MGST2: variants seen among roughly 807,000 people sequenced by gnomAD.
The protein encoded by MGST2 is microsomal glutathione S-transferase 2.
In MGST2, 9 loss-of-function variants were observed where a neutral mutation model predicts 16.6. The ratio of observed to expected loss-of-function variants is 0.54; its 90% confidence interval spans 0.33 to 0.95. MGST2 has a LOEUF of 0.95. MGST2 is among the 40% of genes least tolerant of loss of function. The pLI, the probability that MGST2 is intolerant of heterozygous loss-of-function variation, is 0.03. For missense variants in MGST2, 159 were observed against 175.1 expected, an observed-to-expected ratio of 0.91 and a Z score of 0.52; for synonymous variants, 79 against 68.0, an observed-to-expected ratio of 1.16 and a Z score of -0.79.
rs774576242 is a variant in MGST2 at position 139,666,018 on chromosome 4, A to G, written c.-2A>G. On this transcript the variant is annotated 5_prime_UTR_variant, in exon 1 of 5. Transcript: ENST00000265498. ...CGCTCTACAAATAGTTCCGTGAGAAAGATGGCCGGGAACTCGATCCTGCTG... is the reference window on the plus strand; with the variant it reads ...CGCTCTACAAATAGTTCCGTGAGAAGGATGGCCGGGAACTCGATCCTGCTG... 1 of 1,614,122 alleles carries G rather than the reference A, an allele frequency of 6.2e-7. No homozygotes were observed. The highest frequency in any genetic ancestry group is 1.1e-5 in the South Asian group (1 of 91,084).
intron 2 of MGST2, among the ~76,000 whole-genome samples, chr4:139,691,604 C>T (rs1476718940): frequency 6.6e-6 from 1 of 152,070 alleles, no homozygotes; most frequent in Non-Finnish European, 1.5e-5. Flanking sequence ...ATACTTGGTG[C>T]TTTCACCAGG....
Position 139,666,023 on chromosome 4 carries a change from G to T in MGST2, c.4G>T (p.Ala2Ser). The change falls in exon 1 of 5, where the codon GCC (alanine) becomes TCC (serine). Residue 2 changes from alanine to serine, a missense_variant. By Grantham distance (99) the Ala-to-Ser change is moderately conservative. Transcript: ENST00000265498. ...TACAAATAGTTCCGTGAGAAAGATG[G>T]CCGGGAACTCGATCCTGCTGGCTGC... is the stretch of plus-strand genomic sequence containing the variant. M[A>S]GNSILLAAVS... 1 of 1,614,078 alleles carries T rather than the reference G, an allele frequency of 6.2e-7. No individual in the cohort carries two copies. The highest frequency in any genetic ancestry group is 1.1e-5 in the South Asian group (1 of 91,082).
chr4:139,709,071 A>AATTTTTTTTTTTTTTTTT (rs755140695), downstream of MGST2, among the ~76,000 whole-genome samples: 1 of 81,968 alleles, frequency 1.2e-5, no homozygotes, highest in African/African-American at 4.7e-5. Context: ...AATGGAAAAA[A>AATTTTTTTTTTTTTTTTT]TTTTTTTTTT....
intron 2 of MGST2, among the ~76,000 whole-genome samples, chr4:139,682,110 T>C (rs1731273363): frequency 6.6e-6 from 1 of 151,982 alleles, no homozygotes; most frequent in African/African-American, 2.4e-5. Flanking sequence ...GTTGGAGGAT[T>C]GGTTGAGCCC....
downstream of MGST2, among the ~76,000 whole-genome samples, chr4:139,706,505 T>C (rs1227987359): frequency 6.6e-6 from 1 of 152,244 alleles, no homozygotes; most frequent in Non-Finnish European, 1.5e-5. Flanking sequence ...TTTTAATTGT[T>C]TTATACACTG....
chr4:139,753,341 A>AATCC, the MGST2 span, among the ~76,000 whole-genome samples: 2 of 146,690 alleles, frequency 1.4e-5, no homozygotes, highest in Non-Finnish European at 3.0e-5. Flanking sequence ...TTTTCTTTTT[A>AATCC]ATCTATCTAT....
rs181914346 is a variant in MGST2 at position 139,690,303 on chromosome 4, T to A, written c.159-4894T>A. Among the ~76,000 whole-genome samples, 760 of 152,098 alleles carry A rather than the reference T, an allele frequency of 5.0e-3. 5 individuals carry two copies. The highest frequency in any genetic ancestry group is 0.016 in the African/African-American group (649 of 41,490). ...CACCGCTCCTGGCCTTAAATTTTTT[T>A]AAAAAAATTTTATTTTTTTATAGAG... is the stretch of plus-strand genomic sequence containing the variant. On this transcript the variant is annotated intron_variant, in intron 2 of 4. Coordinates refer to ENST00000265498, the MANE Select transcript of MGST2 (RefSeq NM_002413.5).
the MGST2 span, among the ~76,000 whole-genome samples, chr4:139,750,990 C>T: frequency 6.6e-6 from 1 of 152,166 alleles, no homozygotes; most frequent in Non-Finnish European, 1.5e-5. Context: ...CAAGCTGCCT[C>T]CTGTGATTCA....
intron 2 of MGST2, among the ~76,000 whole-genome samples, chr4:139,681,374 G>A (rs1731232921): frequency 6.6e-6 from 1 of 151,900 alleles, no homozygotes; most frequent in African/African-American, 2.4e-5. Context: ...CATTTTCTCT[G>A]TTCTTTCATT....
chr4:139,729,764 T>C (rs973206113), intron 5 of MGST2, among the ~76,000 whole-genome samples: 5 of 152,220 alleles, frequency 3.3e-5, no homozygotes, highest in East Asian at 1.9e-4. Context: ...TGAGGAATTA[T>C]AGGGCGAGGG....
intron 5 of MGST2, among the ~76,000 whole-genome samples, chr4:139,732,068 C>T (rs988011639): frequency 3.3e-5 from 5 of 152,206 alleles, no homozygotes. Flanking sequence ...AGGACATTCA[C>T]AGTCATTTTG....
chr4:139,678,580 A>G lies in MGST2; in HGVS notation c.96A>G (p.Lys32=). The part of the protein sequence containing the change: ...FALQVGKARL[K]YKVTPPAVTG... ...TGCAAGTTGGAAAGGCAAGATTAAAATACAAAGTTACGCCCCCAGCAGTCA... is the reference window on the plus strand; with the variant it reads ...TGCAAGTTGGAAAGGCAAGATTAAAGTACAAAGTTACGCCCCCAGCAGTCA... Residue 32 remains lysine, a synonymous_variant, in exon 2 of 5, where the codon AAA becomes AAG. Transcript: ENST00000265498. The G allele has an allele frequency of 1.2e-6, 2 of 1,614,166 alleles. No individual in the cohort carries two copies. The highest frequency in any genetic ancestry group is 1.7e-6 in the Non-Finnish European group (2 of 1,180,000).
At chr4:139,691,736 T>C (rs1253273724) in intron 2 of MGST2, among the ~76,000 whole-genome samples, 2 of 152,016 alleles carry the variant, frequency 1.3e-5, no homozygotes, top group Non-Finnish European at 2.9e-5. Flanking sequence ...TCTCACTCTG[T>C]CACCCAGGCT....
At chr4:139,697,118 C>T (rs1726969185) in intron 3 of MGST2, among the ~76,000 whole-genome samples, 1 of 152,006 alleles carries the variant, frequency 6.6e-6, no homozygotes, top group Admixed American at 6.5e-5. Context: ...TTTTGTACAA[C>T]CAAATGACTG....
chr4:139,723,735 AC>A (rs1728354461), intron 5 of MGST2, among the ~76,000 whole-genome samples: 4 of 152,310 alleles, frequency 2.6e-5, no homozygotes, highest in Admixed American at 2.6e-4. Context: ...TGAGTTATGA[AC>A]CTGGAAAACT....
At chr4:139,691,359 C>T in intron 2 of MGST2, among the ~76,000 whole-genome samples, 1 of 152,152 alleles carries the variant, frequency 6.6e-6, no homozygotes, top group East Asian at 1.9e-4. Flanking sequence ...ATTTTCATGT[C>T]AATGAAACTG....
intron 1 of MGST2, among the ~76,000 whole-genome samples, chr4:139,672,414 A>T (rs1398841191): frequency 2.0e-5 from 3 of 152,104 alleles, no homozygotes; most frequent in Non-Finnish European, 4.4e-5. Context: ...AAATCCCTTT[A>T]GCTGAGCCCA....
intron 5 of MGST2, among the ~76,000 whole-genome samples, chr4:139,710,117 G>A (rs1400336985): frequency 1.3e-5 from 2 of 152,092 alleles, no homozygotes; most frequent in African/African-American, 2.4e-5. Context: ...GAGGTGGGTG[G>A]GGTATGGCCA....
chr4:139,751,740 G>A, the MGST2 span, among the ~76,000 whole-genome samples: 4 of 152,170 alleles, frequency 2.6e-5, no homozygotes, highest in Admixed American at 2.6e-4. Flanking sequence ...CCTGGAGGGA[G>A]GAGGAAAGAG....
Sources: gnomAD v4.1 joint callset for allele counts (sites outside exome capture counted in the v4.1 genomes callset) on GRCh38, gnomAD v4.1.1 for gene constraint, MANE v1.5 for transcripts, NCBI Gene and HGNC (gene_info 2026-07-23, HGNC 2026-07-21) for gene names.